The following KDSR variants were observed in gnomAD, a reference collection of about 807,000 sequenced individuals.
KDSR encodes the protein 3-dehydrosphinganine reductase.
KDSR carries 23 observed loss-of-function variants against 41.3 expected under a neutral mutation model. The observed-to-expected ratio is 0.56, with a 90% CI of 0.40 to 0.79. KDSR has a LOEUF of 0.79. Among genes scored for constraint, KDSR ranks in the 30% least tolerant of loss-of-function variants. The pLI, the probability that KDSR is intolerant of heterozygous loss-of-function variation, is 0.00. For missense variants in KDSR, 351 were observed against 416.8 expected (o/e 0.84, Z 1.37); for synonymous variants, 138 against 151.7 (o/e 0.91, Z 0.66).
At chr18:63,366,843 G>C (rs938730185) in intron 1 of KDSR, among the ~76,000 whole-genome samples, 168 bp downstream of exon 1, 1 of 152,320 alleles carries the variant, frequency 6.6e-6, no homozygotes, top group South Asian at 2.1e-4. Flanking sequence ...CCGGGTGCCG[G>C]GGCCGGGGGA....
intron 9 of KDSR, among the ~76,000 whole-genome samples, chr18:63,332,257 G>C (rs577280123): frequency 1.3e-5 from 2 of 152,300 alleles, no homozygotes; most frequent in East Asian, 3.9e-4. Flanking sequence ...TTTATGTTCT[G>C]AGCATGAAAG....
chr18:63,358,263 G>C (rs1914861273), intron 3 of KDSR, among the ~76,000 whole-genome samples: 1 of 152,134 alleles, frequency 6.6e-6, no homozygotes, highest in Admixed American at 6.5e-5. Flanking sequence ...CAAATCTATA[G>C]AGAAAGAAAG....
At chr18:63,351,540 C>G (rs559185450) in intron 5 of KDSR, among the ~76,000 whole-genome samples, 2 of 152,084 alleles carry the variant, frequency 1.3e-5, no homozygotes, top group African/African-American at 4.8e-5. Context: ...CCATTTATTG[C>G]CTATTTGATG....
intron 6 of KDSR, among the ~76,000 whole-genome samples, chr18:63,348,632 C>T (rs1914582533): frequency 6.6e-6 from 1 of 152,114 alleles, no homozygotes; most frequent in African/African-American, 2.4e-5. Flanking sequence ...TGCAGGCCGG[C>T]TACTCGCAGT....
chr18:63,337,092 C>CATATATATA (rs1491226334), intron 8 of KDSR, among the ~76,000 whole-genome samples: 1 of 28,430 alleles, frequency 3.5e-5, no homozygotes, highest in Non-Finnish European at 1.1e-4. Context: ...ATATATGTGA[C>CATATATATA]TTTATATATA....
chr18:63,330,051 C>CT lies in KDSR; in HGVS notation c.*1730dup, dbSNP rs984508169. 1.1e-5 allele frequency: 2 copies of CT among 184,314 alleles called. No individual in the cohort carries two copies. Among genetic ancestry groups the CT allele is most frequent in the African/African-American group, 4.7e-5 (2 of 42,540 alleles). The allele number at this position is 184,314 out of a possible 1,614,324, so 11.4% of individuals were successfully genotyped here. A position where few individuals can be genotyped will look rare whatever the true frequency, so the allele number is the denominator to read the frequency against. On this transcript the variant is annotated 3_prime_UTR_variant, in exon 10 of 10. Coordinates refer to ENST00000645214, the MANE Select transcript of KDSR (RefSeq NM_002035.4). ...TATTAAATAATAATTTCTTCTGTAT[C>CT]TATCAGTGTTTAAAATATGCTATTC...
At chr18:63,346,563 CGGCTGCATTGCCAAA>C (rs1914508402) in intron 6 of KDSR, 1 of 152,176 alleles carries the variant, frequency 6.6e-6, no homozygotes, top group Non-Finnish European at 1.5e-5. Flanking sequence ...CTCAAGGTTA[CGGCTGCATTGCCAAA>C]GGTTAAAACA....
intron 1 of KDSR, among the ~76,000 whole-genome samples, chr18:63,365,746 G>C (rs1915117310): frequency 3.3e-5 from 5 of 152,164 alleles, no homozygotes; most frequent in Admixed American, 3.3e-4. Flanking sequence ...ACGCTTTTGA[G>C]GCAGCAGTTC....
At chr18:63,335,408 A>G in intron 8 of KDSR, 50 bp from the exon 9 acceptor site, 1 of 1,273,752 alleles carries the variant, frequency 7.9e-7, no homozygotes, top group Non-Finnish European at 1.1e-6. Context: ...TAATGTGGAC[A>G]GAAATCAGTC....
intron 4 of KDSR, 68 bp downstream of exon 4, chr18:63,355,430 T>A: frequency 6.2e-7 from 1 of 1,611,872 alleles, no homozygotes; most frequent in Non-Finnish European, 8.5e-7. Flanking sequence ...CCAAGCCACA[T>A]AGCAAAATGG....
At chr18:63,353,856 C>T (rs1042548330) in intron 5 of KDSR, among the ~76,000 whole-genome samples, 1 of 151,710 alleles carries the variant, frequency 6.6e-6, no homozygotes. Flanking sequence ...AGGTGAGGGC[C>T]GCCCTATGGG....
At chr18:63,364,779 T>C (rs1017482867) in intron 1 of KDSR, among the ~76,000 whole-genome samples, 32 of 152,224 alleles carry the variant, frequency 2.1e-4, no homozygotes, top group African/African-American at 7.5e-4. Context: ...GCAAATTACA[T>C]AATATTGCAT....
intron 6 of KDSR, among the ~76,000 whole-genome samples, chr18:63,349,906 C>A (rs1438024483): frequency 6.6e-6 from 1 of 152,202 alleles, no homozygotes; most frequent in Non-Finnish European, 1.5e-5. Context: ...CACCATTCAG[C>A]CTTTAAAACC....
At chr18:63,362,060 C>G (rs1323931113) in intron 2 of KDSR, among the ~76,000 whole-genome samples, 1 of 152,282 alleles carries the variant, frequency 6.6e-6, no homozygotes, top group East Asian at 1.9e-4. Context: ...TTTCTTCATT[C>G]AACAAACATG....
intron 7 of KDSR, among the ~76,000 whole-genome samples, chr18:63,342,614 T>C (rs1345593728): frequency 2.6e-5 from 4 of 152,236 alleles, no homozygotes; most frequent in Non-Finnish European, 4.4e-5. Flanking sequence ...ATGGTCCAAG[T>C]GTGCATAATA....
Position 63,330,298 on chromosome 18 carries a change from T to C in KDSR, c.*1484A>G, listed in dbSNP as rs937535345. 3 of 217,792 alleles carry C rather than the reference T, an allele frequency of 1.4e-5. No individual in the cohort carries two copies. Among genetic ancestry groups the C allele is most frequent in the African/African-American group, 6.7e-5 (3 of 44,488 alleles). 13.5% of individuals were successfully genotyped at this position (217,792 alleles called of 1,614,324 possible). On this transcript the variant is annotated 3_prime_UTR_variant, in exon 10 of 10. Transcript: ENST00000645214. Reference sequence around the variant, plus strand: ...AAACAGAGGTCTTTTCTCACCGAAGTGATCTGGAATGTGCTACCGTATATG... The same window carrying C: ...AAACAGAGGTCTTTTCTCACCGAAGCGATCTGGAATGTGCTACCGTATATG...
At chr18:63,338,594 A>G (rs1011366791) in intron 8 of KDSR, among the ~76,000 whole-genome samples, 2 of 152,246 alleles carry the variant, frequency 1.3e-5, no homozygotes, top group Admixed American at 1.3e-4. Context: ...TAAGGTATAC[A>G]ATCAGTTTTC....
chr18:63,353,692 A>C (rs1200031392), intron 5 of KDSR, among the ~76,000 whole-genome samples: 1 of 152,254 alleles, frequency 6.6e-6, no homozygotes, highest in African/African-American at 2.4e-5. Flanking sequence ...CATGTGGATG[A>C]GCCTCAAAAA....
rs1913992029 is a variant in KDSR, at chr18:63,331,334, G to GAGAGAC, written c.*447_*448insGTCTCT. ...ACAGAGAGACAGAGAGACAGAGAGA[G>GAGAGAC]AGAGAGAGAGAACCCGAGAAACCGA... is the stretch of plus-strand genomic sequence containing the variant. On this transcript the variant is annotated 3_prime_UTR_variant, in exon 10 of 10. Coordinates refer to ENST00000645214, the MANE Select transcript of KDSR (RefSeq NM_002035.4). 3 of 120,112 alleles carry GAGAGAC rather than the reference G, an allele frequency of 2.5e-5. No homozygotes were observed. The Admixed American group carries it at 3.7e-4, about 15-fold the overall frequency. 7.4% of individuals were successfully genotyped at this position (120,112 alleles called of 1,614,324 possible). A position where few individuals can be genotyped will look rare whatever the true frequency, so the allele number is the denominator to read the frequency against.
Sources: gnomAD v4.1 joint callset for allele counts (sites outside exome capture counted in the v4.1 genomes callset) on GRCh38, gnomAD v4.1.1 for gene constraint, MANE v1.5 for transcripts, NCBI Gene and HGNC (gene_info 2026-07-23, HGNC 2026-07-21) for gene names.